SNAP47: variants seen among roughly 807,000 people sequenced by gnomAD.
SNAP47 encodes synaptosomal-associated protein 47.
In SNAP47, 20 loss-of-function variants were observed where a neutral mutation model predicts 31.4. The observed-to-expected ratio is 0.64, with a 90% CI of 0.45 to 0.93. SNAP47 has a LOEUF of 0.93. Among genes scored for constraint, SNAP47 ranks in the 40% least tolerant of loss-of-function variants. The pLI is 0.00. For synonymous variants in SNAP47, 194 were observed against 213.4 expected, an observed-to-expected ratio of 0.91 and a Z score of 0.79; for missense variants, 492 against 528.5, an observed-to-expected ratio of 0.93 and a Z score of 0.68.
upstream of SNAP47, chr1:227,731,464 C>T (rs139965749): frequency 2.0e-3 from 312 of 152,430 alleles, no homozygotes; most frequent in Middle Eastern, 6.8e-3. Context: ...AAATGCTGGA[C>T]TCTCGGTCAA....
intron 4 of SNAP47, chr1:227,776,267 G>A (rs1664153809): frequency 9.7e-7 from 1 of 1,031,532 alleles, no homozygotes; most frequent in South Asian, 3.8e-5. Context: ...GCATGCCCCA[G>A]GGCCAGCCTG....
At chr1:227,729,879 G>A (rs1016977286) in intron 1 of SNAP47, among the ~76,000 whole-genome samples, 18 of 152,196 alleles carry the variant, frequency 1.2e-4, no homozygotes, top group African/African-American at 4.1e-4. Flanking sequence ...GCTAGAGTCT[G>A]TGCAGACAGC....
intron 2 of SNAP47, 44 bp downstream of exon 2, chr1:227,748,277 A>T (rs986687975): frequency 1.3e-6 from 2 of 1,492,064 alleles, no homozygotes; most frequent in Non-Finnish European, 1.8e-6. Flanking sequence ...ACAGAGTAAG[A>T]TGCACATGTG....
intron 4 of SNAP47, among the ~76,000 whole-genome samples, chr1:227,768,894 C>G (rs961476066): frequency 6.6e-6 from 1 of 152,232 alleles, no homozygotes; most frequent in African/African-American, 2.4e-5. Flanking sequence ...GTGTCCACGG[C>G]CGAGATACTC....
Position 227,780,884 on chromosome 1 carries a change from G to T in SNAP47, c.*211G>T. On this transcript the variant is annotated 3_prime_UTR_variant, in exon 5 of 5. Coordinates refer to ENST00000617596, the MANE Select transcript of SNAP47 (RefSeq NM_053052.4). Reference sequence around the variant, plus strand: ...CTTGGCTGTCCCTGCTGCTGGGCAGGACCCGGCCACATGTTCTGCGGATGC... The same window carrying T: ...CTTGGCTGTCCCTGCTGCTGGGCAGTACCCGGCCACATGTTCTGCGGATGC... 1 of 635,268 alleles carries T rather than the reference G, an allele frequency of 1.6e-6. No individual in the cohort carries two copies. 39.4% of individuals were successfully genotyped at this position (635,268 alleles called of 1,614,324 possible).
At chr1:227,754,537 C>T (rs533420471) in intron 2 of SNAP47, among the ~76,000 whole-genome samples, 3 of 152,308 alleles carry the variant, frequency 2.0e-5, no homozygotes, top group East Asian at 1.9e-4. Flanking sequence ...AAAGGGACCA[C>T]GCCCTTCCCT....
chr1:227,733,481 T>C (rs1196677395), upstream of SNAP47: 1 of 1,595,100 alleles, frequency 6.3e-7, no homozygotes, highest in East Asian at 2.2e-5. Flanking sequence ...CTGCGTGATC[T>C]CCAAGGGTGG....
chr1:227,773,566 A>G (rs779022998), intron 4 of SNAP47, among the ~76,000 whole-genome samples: 1 of 152,150 alleles, frequency 6.6e-6, no homozygotes, highest in Non-Finnish European at 1.5e-5. Flanking sequence ...CTTCACGCTC[A>G]CTCACCACAC....
intron 4 of SNAP47, among the ~76,000 whole-genome samples, chr1:227,777,393 G>A (rs1462856612): frequency 1.3e-5 from 2 of 152,166 alleles, no homozygotes; most frequent in African/African-American, 4.8e-5. Flanking sequence ...GATAGTGAAC[G>A]GGAGTGTGGG....
rs781345948 is a variant in SNAP47 at position 227,748,159 on chromosome 1, C to T, written c.423C>T (p.His141=). 8 of 1,613,024 alleles carry T rather than the reference C, an allele frequency of 5.0e-6. No homozygotes were observed. Among genetic ancestry groups the T allele is most frequent in the Admixed American group, 3.3e-5 (2 of 59,914 alleles). The change falls in exon 2 of 5, where the codon CAC becomes CAT. Residue 141 remains histidine (H), a synonymous_variant. Transcript: ENST00000617596. ...KRLEDTARVL[H]HQGQQLDSVM... ...TGGAGGACACGGCGAGGGTCCTGCA[C>T]CACCAGGGCCAGCAGCTGGACAGCG...
chr1:227,747,407 G>A (rs1317726652), intron 1 of SNAP47, among the ~76,000 whole-genome samples: 1 of 152,206 alleles, frequency 6.6e-6, no homozygotes, highest in African/African-American at 2.4e-5. Context: ...GGGGCACAGA[G>A]TGTGGTGAGG....
intron 1 of SNAP47, among the ~76,000 whole-genome samples, chr1:227,743,413 G>A (rs1208381332): frequency 6.6e-6 from 1 of 152,184 alleles, no homozygotes; most frequent in Non-Finnish European, 1.5e-5. Context: ...GTTCTCACAA[G>A]GCCTCCCGTG....
At chr1:227,771,363 A>G (rs907391172) in intron 4 of SNAP47, among the ~76,000 whole-genome samples, 1 of 152,230 alleles carries the variant, frequency 6.6e-6, no homozygotes, top group African/African-American at 2.4e-5. Context: ...CCCTGACACC[A>G]CATTGCATGC....
Position 227,776,841 on chromosome 1 carries a change from A to G in SNAP47, c.1114-3686A>G, listed in dbSNP as rs150367929. ...TTTGGCAGGCAGGCCAAGGGTCTCA[A>G]CAGGCTATTTGGAATGAGTTCTCTT... On this transcript the variant is annotated intron_variant, in intron 4 of 4. Transcript: ENST00000617596. The G allele has an allele frequency of 1.1e-3, 1,101 of 985,480 alleles. 12 individuals are homozygous for G. The African/African-American group carries it at 0.018, about 16-fold the overall frequency. 61.0% of individuals were successfully genotyped at this position (985,480 alleles called of 1,614,324 possible). A position where few individuals can be genotyped will look rare whatever the true frequency, so the allele number is the denominator to read the frequency against.
At chr1:227,756,527 C>T (rs1421017253) in intron 2 of SNAP47, among the ~76,000 whole-genome samples, 3 of 152,250 alleles carry the variant, frequency 2.0e-5, no homozygotes, top group African/African-American at 2.4e-5. Context: ...GACCCGGCCC[C>T]GGCCATTTAG....
chr1:227,741,734 G>A lies in SNAP47; in HGVS notation c.-45-5958G>A, dbSNP rs1204634544. 6.6e-6 allele frequency among the ~76,000 whole-genome samples: 1 copy of A among 152,062 alleles called. No individual in the cohort carries two copies. Among genetic ancestry groups the A allele is most frequent in the East Asian group, 1.9e-4 (1 of 5,164 alleles). On this transcript the variant is annotated intron_variant, in intron 1 of 4. Transcript: ENST00000617596. This position sits in a 1 kb window ranked among gnomAD's most constrained non-coding sequence, Gnocchi z 4.2. Reference sequence around the variant, plus strand: ...AGGCGTGTCGTCGGGTAGGGGAATGGCTGGCCGGCGTGGGGGCCGTGTTCA... The same window carrying A: ...AGGCGTGTCGTCGGGTAGGGGAATGACTGGCCGGCGTGGGGGCCGTGTTCA...
intron 2 of SNAP47, among the ~76,000 whole-genome samples, chr1:227,755,380 TTTTTTTTC>T (rs1662633669): frequency 6.8e-6 from 1 of 147,326 alleles, no homozygotes; most frequent in Non-Finnish European, 1.5e-5. Flanking sequence ...TTTTGTTTTC[TTTTTTTTC>T]TTTTTTTCTT....
upstream of SNAP47, chr1:227,730,338 G>T (rs1038685197): frequency 6.6e-6 from 1 of 152,178 alleles, no homozygotes; most frequent in South Asian, 2.1e-4. Context: ...CTTGGGAAAG[G>T]GGCATCCTGC....
intron 1 of SNAP47, chr1:227,736,159 AG>A (rs1231791487): frequency 6.8e-6 from 1 of 147,416 alleles, no homozygotes; most frequent in Non-Finnish European, 1.5e-5. Context: ...GGAGGGCTGG[AG>A]GGGGCAGGGT....
Sources: gnomAD v4.1 joint callset for allele counts (sites outside exome capture counted in the v4.1 genomes callset) on GRCh38, gnomAD v4.1.1 for gene constraint, Gnocchi (gnomAD v3.1) non-coding constraint, MANE v1.5 for transcripts, NCBI Gene and HGNC (gene_info 2026-07-23, HGNC 2026-07-21) for gene names.